Variants in ITPR2 observed in about 807,000 individuals in gnomAD.
ITPR2 encodes inositol 1,4,5-trisphosphate-gated calcium channel ITPR2.
ITPR2 carries 207 observed loss-of-function variants against 317.1 expected under a neutral mutation model. The ratio of observed to expected loss-of-function variants is 0.65; its 90% CI spans 0.58 to 0.73. The LOEUF is 0.73. Ranked by LOEUF, ITPR2 falls within the 30% of genes least tolerant of loss-of-function variation. The probability of loss-of-function intolerance (pLI) is 0.00; values close to 1 mark genes in which losing one functional copy is unlikely to be tolerated. For synonymous variants in ITPR2, 1,156 were observed against 1,149.1 expected (o/e 1.01, Z -0.12); for missense variants, 2,613 against 3,284.0 (o/e 0.80, Z 4.99).
At chr12:26,411,080 C>T in intron 52 of ITPR2, 1 of 435,876 alleles carries the variant, frequency 2.3e-6, no homozygotes. Context: ...GCACATACCA[C>T]AGGGTAAATG....
At chr12:26,743,467 G>C (rs1949269907) in intron 2 of ITPR2, among the ~76,000 whole-genome samples, 1 of 151,940 alleles carries the variant, frequency 6.6e-6, no homozygotes, top group Admixed American at 6.5e-5. Context: ...AGATATTTTA[G>C]AAAAAAATAT....
Position 26,650,522 on chromosome 12 carries a change from C to T in ITPR2, c.2740+3454G>A, listed in dbSNP as rs111587901. Among the ~76,000 whole-genome samples, 62 of 151,982 alleles carry T rather than the reference C, an allele frequency of 4.1e-4. 1 individual carries two copies. The highest frequency in any genetic ancestry group is 4.1e-4 in the African/African-American group (17 of 41,422). ...CTAGTGGAGGATGTTGATATGGGGA[C>T]GCTATGCATGTTGGGGGGCAGGTGA... On this transcript the variant is annotated intron_variant, in intron 21 of 56. Transcript: ENST00000381340.
At chr12:26,403,379 G>C (rs1307328209) in intron 52 of ITPR2, among the ~76,000 whole-genome samples, 1 of 152,312 alleles carries the variant, frequency 6.6e-6, no homozygotes, top group South Asian at 2.1e-4. Flanking sequence ...ACTTTCAACA[G>C]GGTAAGTTGG....
chr12:26,809,237 T>C (rs1592150282), intron 1 of ITPR2, among the ~76,000 whole-genome samples: 1 of 152,186 alleles, frequency 6.6e-6, no homozygotes, highest in African/African-American at 2.4e-5. Flanking sequence ...AGCAGCTAAT[T>C]TCATTATAAT....
intron 15 of ITPR2, among the ~76,000 whole-genome samples, chr12:26,659,534 T>C (rs559845533): frequency 2.0e-5 from 3 of 152,368 alleles, no homozygotes; most frequent in Admixed American, 1.3e-4. Context: ...AGTATAGGTA[T>C]TTTGGAAATA....
At chr12:26,775,961 C>CATACATATATATATATATATA (rs1555189746) in intron 2 of ITPR2, among the ~76,000 whole-genome samples, 1 of 65,652 alleles carries the variant, frequency 1.5e-5, no homozygotes, top group Non-Finnish European at 3.9e-5. Flanking sequence ...TATGTATATC[C>CATACATATATATATATATATA]TATTAGTTCT....
Position 26,436,204 on chromosome 12 carries a change from G to T in ITPR2, c.6769+17C>A. The stretch of plus-strand genomic sequence containing the variant: ...AACTTTAAAATATTTATATTTTAAG[G>T]AAAAACGAGCACTTGCCTTCATCTC... On this transcript the variant is annotated intron_variant, in intron 48 of 56. Transcript: ENST00000381340. 1.3e-6 allele frequency: 2 copies of T among 1,544,788 alleles called. No homozygotes were observed. Among genetic ancestry groups the T allele is most frequent in the Non-Finnish European group, 1.7e-6 (2 of 1,151,372 alleles).
chr12:26,784,331 C>G (rs1445128472), intron 2 of ITPR2, among the ~76,000 whole-genome samples: 20 of 42,924 alleles, frequency 4.7e-4, no homozygotes, highest in South Asian at 2.5e-3. Context: ...CTCTCCCTCT[C>G]CCTCTCCCTC....
chr12:26,517,715 G>A (rs893413429), intron 37 of ITPR2, among the ~76,000 whole-genome samples: 17 of 152,160 alleles, frequency 1.1e-4, no homozygotes, highest in Non-Finnish European at 1.5e-5. Context: ...GTGCCTGCCT[G>A]TAATCCCAGC....
chr12:26,717,010 C>T (rs1378395988), intron 5 of ITPR2, among the ~76,000 whole-genome samples: 1 of 152,126 alleles, frequency 6.6e-6, no homozygotes, highest in Non-Finnish European at 1.5e-5. Context: ...TGTGGGGAAT[C>T]AAAGTTATCC....
chr12:26,682,350 G>A (rs1291285265), intron 12 of ITPR2, among the ~76,000 whole-genome samples: 2 of 152,136 alleles, frequency 1.3e-5, no homozygotes, highest in Non-Finnish European at 2.9e-5. Context: ...ATTCTTTCTG[G>A]TGTCTCTGTA....
At chr12:26,483,125 A>G in intron 42 of ITPR2, among the ~76,000 whole-genome samples, 1 of 152,216 alleles carries the variant, frequency 6.6e-6, no homozygotes, top group Middle Eastern at 3.2e-3. Context: ...ATTCTGGAAA[A>G]GAGACTTGAA....
intron 47 of ITPR2, among the ~76,000 whole-genome samples, chr12:26,437,275 C>T (rs1941377207): frequency 6.6e-6 from 1 of 152,194 alleles, no homozygotes; most frequent in Non-Finnish European, 1.5e-5. Flanking sequence ...GGGAAAGGCA[C>T]ATCGATTTTC....
intron 55 of ITPR2, among the ~76,000 whole-genome samples, chr12:26,379,965 A>C (rs1016943770): frequency 5.3e-5 from 8 of 152,206 alleles, no homozygotes; most frequent in African/African-American, 1.9e-4. Flanking sequence ...AATCACCCGA[A>C]CACTAGCAGA....
In ITPR2 at chr12:26,443,586, T is replaced by C. The variant is rs1243658940; in HGVS notation, c.6407A>G (p.Asp2136Gly). 7 of 1,613,098 alleles carry C rather than the reference T, an allele frequency of 4.3e-6. No individual in the cohort carries two copies. Among genetic ancestry groups the C allele is most frequent in the South Asian group, 2.2e-5 (2 of 91,052 alleles). The change falls in exon 46 of 57, where the codon GAT becomes GGT. Residue 2136 changes from aspartate to glycine, a missense_variant. Physicochemically the swap from Asp to Gly is moderately conservative, Grantham distance 94. This residue lies in a region of ITPR2 where 926 missense variants were observed against 1,072.8 expected (regional missense o/e 0.86). Coordinates refer to ENST00000381340, the MANE Select transcript of ITPR2 (RefSeq NM_002223.4). ...LKPGSDPDEG[D>G]EALKYYANHT... ...GTTGGCATAATACTTTAAGGCTTCA[T>C]CTCCTTCATCTGGATCCGATCCTGG...
chr12:26,804,084 G>C (rs1186175326), intron 1 of ITPR2, among the ~76,000 whole-genome samples: 3 of 152,014 alleles, frequency 2.0e-5, no homozygotes, highest in Non-Finnish European at 4.4e-5. Flanking sequence ...TGTTGTTTCT[G>C]AGTCAACTAG....
intron 55 of ITPR2, among the ~76,000 whole-genome samples, chr12:26,381,451 T>C (rs1939507477): frequency 6.6e-6 from 1 of 152,226 alleles, no homozygotes; most frequent in South Asian, 2.1e-4. Context: ...AGCAAATCTT[T>C]AGCACAGGTG....
chr12:26,574,006 C>A (rs1591917485), intron 34 of ITPR2, among the ~76,000 whole-genome samples: 1 of 152,020 alleles, frequency 6.6e-6, no homozygotes, highest in African/African-American at 2.4e-5. Context: ...AAGGGTGACA[C>A]AAGAGAAAGA....
intron 2 of ITPR2, among the ~76,000 whole-genome samples, chr12:26,745,863 T>C (rs1949313569): frequency 6.6e-6 from 1 of 152,202 alleles, no homozygotes. Flanking sequence ...GCCAATTTAA[T>C]TGAAATTTAA....
Sources: gnomAD v4.1 joint callset for allele counts (sites outside exome capture counted in the v4.1 genomes callset) on GRCh38, gnomAD v4.1.1 for gene constraint, gnomAD v4.1.1 regional missense constraint, MANE v1.5 for transcripts, NCBI Gene and HGNC (gene_info 2026-07-23, HGNC 2026-07-21) for gene names.